The following GRIN3A variants were observed in gnomAD, a reference collection of about 807,000 sequenced individuals.
GRIN3A encodes the protein glutamate receptor ionotropic, NMDA 3A.
Under a neutral mutation model 92.4 loss-of-function variants are expected in GRIN3A, and 47 were observed. That is an observed-to-expected ratio of 0.51 (90% CI 0.40 to 0.65). The LOEUF (loss-of-function observed/expected upper bound fraction) is 0.65, where lower values mean the gene tolerates loss of function less well. GRIN3A is among the 30% of genes least tolerant of loss of function. The pLI, the probability that GRIN3A is intolerant of heterozygous loss-of-function variation, is 0.00. For missense variants in GRIN3A, 1,324 were observed against 1,393.1 expected (o/e 0.95, Z 0.79); for synonymous variants, 527 against 540.6 (o/e 0.97, Z 0.35).
intron 1 of GRIN3A, among the ~76,000 whole-genome samples, chr9:101,732,423 G>T (rs1377128590): frequency 6.6e-6 from 1 of 152,150 alleles, no homozygotes; most frequent in Non-Finnish European, 1.5e-5. Flanking sequence ...ATATTTCTAT[G>T]GCAGGACTTA....
chr9:101,659,431 A>C (rs1475898095), intron 3 of GRIN3A, among the ~76,000 whole-genome samples: 1 of 126,058 alleles, frequency 7.9e-6, no homozygotes, highest in African/African-American at 2.9e-5. Flanking sequence ...CTATGTATTT[A>C]TTTATACATA....
rs536428623 is a variant in GRIN3A, at chr9:101,618,204, A to C, written c.2615-4677T>G. ...TTGACAAATGGGATCTAATTAAACT[A>C]AAGAGCTTCTGTACAGCAAAAGAAA... On this transcript the variant is annotated intron_variant, in intron 5 of 8. Coordinates refer to ENST00000361820, the MANE Select transcript of GRIN3A (RefSeq NM_133445.3). 4.3e-3 allele frequency among the ~76,000 whole-genome samples: 641 copies of C among 148,822 alleles called. 3 individuals are homozygous for C. Among genetic ancestry groups the C allele is most frequent in the Admixed American group, 5.7e-3 (87 of 15,166 alleles).
intron 1 of GRIN3A, among the ~76,000 whole-genome samples, chr9:101,714,641 C>A (rs2119018896): frequency 6.6e-6 from 1 of 151,996 alleles, no homozygotes; most frequent in East Asian, 1.9e-4. Flanking sequence ...CAAGAGAACC[C>A]CAACCTAAGA....
chr9:101,683,483 A>T (rs896187333), intron 2 of GRIN3A, among the ~76,000 whole-genome samples: 1 of 152,232 alleles, frequency 6.6e-6, no homozygotes, highest in Admixed American at 6.5e-5. Context: ...AATAAGGATG[A>T]TGGAAAATCC....
chr9:101,717,993 C>T (rs1829967889), intron 1 of GRIN3A, among the ~76,000 whole-genome samples: 1 of 152,106 alleles, frequency 6.6e-6, no homozygotes. Flanking sequence ...GAGTTCTGTC[C>T]ACCGCAGTGA....
chr9:101,632,993 T>C lies in GRIN3A; in HGVS notation c.2353-4592A>G, dbSNP rs1828734397. Among the ~76,000 whole-genome samples the C allele has an allele frequency of 3.3e-5, 5 of 152,308 alleles. No individual in the cohort carries two copies. In the South Asian group the frequency reaches 1.0e-3, roughly 32 times the overall value. ...TTAGGCCTTGGGGAAATATCTAAGG[T>C]TAAACTGTCTATTTGTATGTGAATT... On this transcript the variant is annotated intron_variant, in intron 3 of 8. Coordinates refer to ENST00000361820, the MANE Select transcript of GRIN3A (RefSeq NM_133445.3).
intron 1 of GRIN3A, among the ~76,000 whole-genome samples, chr9:101,700,851 T>C (rs1312430965): frequency 6.6e-6 from 1 of 152,032 alleles, no homozygotes; most frequent in East Asian, 1.9e-4. Flanking sequence ...GAAGAAAATG[T>C]TAAGAGAAAG....
intron 4 of GRIN3A, among the ~76,000 whole-genome samples, chr9:101,623,665 C>T (rs1828588643): frequency 6.6e-6 from 1 of 152,190 alleles, no homozygotes; most frequent in South Asian, 2.1e-4. Flanking sequence ...GTTTATCTAC[C>T]AGCTCCTTTA....
Position 101,575,589 on chromosome 9 carries a change from T to G in GRIN3A, c.3009-2076A>C, listed in dbSNP as rs140933176. Among the ~76,000 whole-genome samples the G allele has an allele frequency of 2.2e-4, 34 of 152,312 alleles. No individual in the cohort carries two copies. In the East Asian group the frequency reaches 6.6e-3, roughly 29 times the overall value. ...AATATGTACCTTATTTTCTTTGCATTAAATGAGAAAGGGACAATACCTACT... is the reference window on the plus strand; with the variant it reads ...AATATGTACCTTATTTTCTTTGCATGAAATGAGAAAGGGACAATACCTACT... On this transcript the variant is annotated intron_variant, in intron 8 of 8. Coordinates refer to ENST00000361820, the MANE Select transcript of GRIN3A (RefSeq NM_133445.3).
chr9:101,626,210 A>G (rs1828632796), intron 4 of GRIN3A, among the ~76,000 whole-genome samples: 1 of 152,224 alleles, frequency 6.6e-6, no homozygotes, highest in African/African-American at 2.4e-5. Context: ...TTATTTAAAA[A>G]TACATATCAC....
rs754304987 is a variant in GRIN3A, at chr9:101,737,639, C to G, written c.341G>C (p.Gly114Ala). The G allele has an allele frequency of 6.1e-5, 98 of 1,610,586 alleles. No individual in the cohort carries two copies. Among genetic ancestry groups the G allele is most frequent in the Non-Finnish European group, 7.7e-5 (91 of 1,179,456 alleles). The change falls in exon 1 of 9, where the codon GGG becomes GCG. Residue 114 changes from glycine to alanine, a missense_variant. Transcript: ENST00000361820. ...CAGGGCCTCCGCCCTGGCGCCCTCC[C>G]CGGGCTTACGGGAGCCCGGCGGCCC... ...GRGPPGSRKPGEGARAEALWP... is the reference protein window; with the variant it reads ...GRGPPGSRKPAEGARAEALWP...
intron 6 of GRIN3A, among the ~76,000 whole-genome samples, chr9:101,602,103 G>A (rs1828219131): frequency 6.6e-6 from 1 of 152,074 alleles, no homozygotes. Flanking sequence ...CCTATACTGT[G>A]TGAGAAGAGG....
At chr9:101,669,890 C>A (rs1366187103) in intron 3 of GRIN3A, among the ~76,000 whole-genome samples, 170 bp downstream of exon 3, 1 of 152,082 alleles carries the variant, frequency 6.6e-6, no homozygotes, top group Non-Finnish European at 1.5e-5. Context: ...ATGAAACAAA[C>A]AATGGAATAT....
intron 1 of GRIN3A, among the ~76,000 whole-genome samples, chr9:101,724,565 C>T (rs1830061232): frequency 6.6e-6 from 1 of 152,180 alleles, no homozygotes; most frequent in Non-Finnish European, 1.5e-5. Context: ...CACAGTGCAG[C>T]GGTGGGCTGC....
At chr9:101,724,462 G>A (rs952173766) in intron 1 of GRIN3A, among the ~76,000 whole-genome samples, 1 of 152,108 alleles carries the variant, frequency 6.6e-6, no homozygotes, top group South Asian at 2.1e-4. Flanking sequence ...ACCTGCGCGC[G>A]CAGCCCTGGT....
chr9:101,724,209 A>C lies in GRIN3A; in HGVS notation c.699+13072T>G, dbSNP rs7869566. 6.3e-3 allele frequency among the ~76,000 whole-genome samples: 953 copies of C among 152,272 alleles called. 15 individuals carry two copies. The highest frequency in any genetic ancestry group is 0.022 in the African/African-American group (911 of 41,564). ...GCTCGGGCCGCACAGGAGCCCACTG[A>C]GGGTGTGGGAGGCTCAGGCATGGCA... On this transcript the variant is annotated intron_variant, in intron 1 of 8. Coordinates refer to ENST00000361820, the MANE Select transcript of GRIN3A (RefSeq NM_133445.3).
At chr9:101,644,824 T>A (rs1379796851) in intron 3 of GRIN3A, among the ~76,000 whole-genome samples, 1 of 151,918 alleles carries the variant, frequency 6.6e-6, no homozygotes, top group African/African-American at 2.4e-5. Flanking sequence ...TATACCCCCA[T>A]TTTCTGGGGC....
At chr9:101,607,146 C>A (rs1828297507) in intron 6 of GRIN3A, among the ~76,000 whole-genome samples, 2 of 135,014 alleles carry the variant, frequency 1.5e-5, no homozygotes, top group African/African-American at 6.2e-5. Flanking sequence ...AGATAAAGCC[C>A]TGGAATTCAG....
chr9:101,588,713 GT>G (rs1827981156), intron 6 of GRIN3A, among the ~76,000 whole-genome samples: 2 of 151,996 alleles, frequency 1.3e-5, no homozygotes, highest in South Asian at 4.1e-4. Flanking sequence ...ATTCTTCAGA[GT>G]TCTAAACATA....
Sources: gnomAD v4.1 joint callset for allele counts (sites outside exome capture counted in the v4.1 genomes callset) on GRCh38, gnomAD v4.1.1 for gene constraint, MANE v1.5 for transcripts, NCBI Gene and HGNC (gene_info 2026-07-23, HGNC 2026-07-21) for gene names.